The following INPP4B variants were observed in gnomAD, a reference collection of about 807,000 sequenced individuals.
INPP4B encodes the protein inositol polyphosphate 4-phosphatase type II.
A neutral mutation model predicts 122.5 loss-of-function variants in INPP4B; 55 were observed. The ratio of observed to expected loss-of-function variants is 0.45; its 90% CI spans 0.36 to 0.56. INPP4B has a LOEUF of 0.56. Among genes scored for constraint, INPP4B ranks in the 20% least tolerant of loss-of-function variants. INPP4B has a pLI of 0.00. For synonymous variants in INPP4B, 403 were observed against 388.7 expected, an observed-to-expected ratio of 1.04 and a Z score of -0.43; for missense variants, 1,000 against 1,097.7, an observed-to-expected ratio of 0.91 and a Z score of 1.26.
At chr4:142,077,588 C>T (rs1041472125) in intron 25 of INPP4B, among the ~76,000 whole-genome samples, 1 of 151,734 alleles carries the variant, frequency 6.6e-6, no homozygotes, top group Non-Finnish European at 1.5e-5. Flanking sequence ...AAAGTTCCTA[C>T]TAAAAATGCT....
intron 1 of INPP4B, among the ~76,000 whole-genome samples, chr4:142,726,296 T>G (rs1765339980): frequency 6.6e-6 from 1 of 152,228 alleles, no homozygotes; most frequent in African/African-American, 2.4e-5. Context: ...AATTTAAAAT[T>G]ATCTAAATTG....
intron 25 of INPP4B, among the ~76,000 whole-genome samples, chr4:142,040,847 T>C (rs985813306): frequency 6.6e-5 from 10 of 152,176 alleles, no homozygotes; most frequent in Non-Finnish European, 7.4e-5. Flanking sequence ...CTGCTCTAGT[T>C]TGTCATTCTC....
At chr4:142,185,828 G>A (rs1413994160) in intron 15 of INPP4B, among the ~76,000 whole-genome samples, 4 of 143,838 alleles carry the variant, frequency 2.8e-5, no homozygotes, top group African/African-American at 7.8e-5. Flanking sequence ...GCAGTGAGCC[G>A]AGATTGCGCC....
intron 24 of INPP4B, among the ~76,000 whole-genome samples, chr4:142,083,778 C>A (rs2152536254): frequency 6.6e-6 from 1 of 152,112 alleles, no homozygotes; most frequent in East Asian, 1.9e-4. Flanking sequence ...AAATTCTAAT[C>A]CTTTCAAATA....
At chr4:142,636,916 A>G (rs1158390896) in intron 2 of INPP4B, among the ~76,000 whole-genome samples, 2 of 152,100 alleles carry the variant, frequency 1.3e-5, no homozygotes, top group Non-Finnish European at 2.9e-5. Flanking sequence ...AACTTTTTCA[A>G]TGATTCTTCC....
chr4:142,467,904 G>C (rs941102412), intron 2 of INPP4B: 2 of 151,980 alleles, frequency 1.3e-5, no homozygotes, highest in Non-Finnish European at 2.9e-5. Context: ...TGCAATATCT[G>C]GTTATTTAAA....
intron 7 of INPP4B, among the ~76,000 whole-genome samples, chr4:142,400,226 C>G (rs1424432936): frequency 1.3e-5 from 2 of 152,126 alleles, no homozygotes; most frequent in Non-Finnish European, 2.9e-5. Context: ...AAAACACAAG[C>G]AATTTAGTCA....
chr4:142,818,830 T>G (rs902799707), intron 1 of INPP4B, among the ~76,000 whole-genome samples: 1 of 152,168 alleles, frequency 6.6e-6, no homozygotes, highest in Admixed American at 6.5e-5. Context: ...CCAACATTCC[T>G]GTTTTATTTT....
intron 3 of INPP4B, among the ~76,000 whole-genome samples, chr4:142,442,245 C>T (rs370377752): frequency 6.6e-6 from 1 of 151,370 alleles, no homozygotes; most frequent in African/African-American, 2.4e-5. Context: ...ATGCCATCTC[C>T]ACCAAAAAAT....
chr4:142,411,624 G>C (rs1804610986), intron 5 of INPP4B, among the ~76,000 whole-genome samples: 1 of 152,174 alleles, frequency 6.6e-6, no homozygotes. Context: ...AGGCACAGTG[G>C]CTAATGCCTG....
chr4:142,183,034 T>G (rs902040739), intron 15 of INPP4B, among the ~76,000 whole-genome samples: 3 of 152,178 alleles, frequency 2.0e-5, no homozygotes, highest in Non-Finnish European at 2.9e-5. Context: ...TGTTTAAGAT[T>G]TGGTCCTTGC....
At chr4:142,823,132 G>A (rs1404401964) in intron 1 of INPP4B, among the ~76,000 whole-genome samples, 1 of 152,166 alleles carries the variant, frequency 6.6e-6, no homozygotes, top group African/African-American at 2.4e-5. Flanking sequence ...GTCAGAACTA[G>A]TCACTTGGCC....
At chr4:142,695,136 T>C (rs1760845011) in intron 2 of INPP4B, among the ~76,000 whole-genome samples, 2 of 152,198 alleles carry the variant, frequency 1.3e-5, no homozygotes, top group South Asian at 2.1e-4. Flanking sequence ...TATAAAATTA[T>C]GTATAAATTC....
intron 1 of INPP4B, among the ~76,000 whole-genome samples, chr4:142,786,810 C>G (rs367847519): frequency 6.6e-6 from 1 of 151,988 alleles, no homozygotes; most frequent in African/African-American, 2.4e-5. Context: ...GAGAGACATA[C>G]TATAAAATAC....
Position 142,284,282 on chromosome 4 carries a change from G to T in INPP4B, c.504-13508C>A, listed in dbSNP as rs188984823. Among the ~76,000 whole-genome samples the T allele has an allele frequency of 7.6e-4, 116 of 152,196 alleles. 2 individuals are homozygous for T. The highest frequency in any genetic ancestry group is 7.9e-4 in the Admixed American group (12 of 15,274). Reference sequence around the variant, plus strand: ...GGCATTTTTTAACGCTGATACACATGATCTAGCAGAGAAAATAATTTATGA... The same window carrying T: ...GGCATTTTTTAACGCTGATACACATTATCTAGCAGAGAAAATAATTTATGA... On this transcript the variant is annotated intron_variant, in intron 9 of 25. Transcript: ENST00000262992.
intron 25 of INPP4B, among the ~76,000 whole-genome samples, chr4:142,074,492 G>T (rs1769377896): frequency 6.6e-6 from 1 of 152,056 alleles, no homozygotes; most frequent in South Asian, 2.1e-4. Flanking sequence ...AAAGCAATCT[G>T]GCAGCATCTA....
At chr4:142,248,336 C>CTCTCTCT (rs756252445) in intron 11 of INPP4B, among the ~76,000 whole-genome samples, 23 of 106,384 alleles carry the variant, frequency 2.2e-4, no homozygotes, top group African/African-American at 3.8e-5. Flanking sequence ...CTCTCTCTCT[C>CTCTCTCT]TTTTTTTTTT....
At chr4:142,116,188 C>A (rs142672999) in intron 21 of INPP4B, among the ~76,000 whole-genome samples, 1 of 152,124 alleles carries the variant, frequency 6.6e-6, no homozygotes, top group Non-Finnish European at 1.5e-5. Flanking sequence ...TACAAAGAGA[C>A]TTAGACACCC....
chr4:142,692,930 G>GATAGATAGATAGATAGATACATAGATAC (rs1322306964), intron 2 of INPP4B, among the ~76,000 whole-genome samples: 2 of 150,264 alleles, frequency 1.3e-5, no homozygotes, highest in African/African-American at 4.9e-5. Context: ...TAGATAGATA[G>GATAGATAGATAGATAGATACATAGATAC]ATAGATACAT....
Sources: gnomAD v4.1 joint callset for allele counts (sites outside exome capture counted in the v4.1 genomes callset) on GRCh38, gnomAD v4.1.1 for gene constraint, MANE v1.5 for transcripts, NCBI Gene and HGNC (gene_info 2026-07-23, HGNC 2026-07-21) for gene names.